Variants in MED1 observed in about 807,000 individuals in gnomAD.
The protein encoded by MED1 is mediator of RNA polymerase II transcription subunit 1.
MED1 carries 17 observed loss-of-function variants against 121.3 expected under a neutral mutation model. The observed-to-expected ratio is 0.14, with a 90% CI of 0.10 to 0.21. The LOEUF is 0.21. MED1 is among the 10% of genes least tolerant of loss of function. The pLI is 1.00. For synonymous variants in MED1, 661 were observed against 694.4 expected, an observed-to-expected ratio of 0.95 and a Z score of 0.76; for missense variants, 1,558 against 1,919.4, an observed-to-expected ratio of 0.81 and a Z score of 3.52.
Position 39,410,131 on chromosome 17 carries a change from G to A in MED1, c.2090C>T (p.Pro697Leu), listed in dbSNP as rs1170487626. ...TTCAGTCTGGTGCTTTGGTTTCTCA[G>A]GTGGTAATCTTGATGACTTCTTTTT... Reference protein sequence around the residue: ...TKKKKSSRLPPEKPKHQTEDD... With the variant: ...TKKKKSSRLPLEKPKHQTEDD... Residue 697 changes from proline to leucine, a missense_variant, in exon 17 of 17, where the codon CCT (proline) becomes CTT (leucine). Pro to Leu is a moderately conservative substitution (Grantham distance 98). Coordinates refer to ENST00000300651, the MANE Select transcript of MED1 (RefSeq NM_004774.4). The A allele has an allele frequency of 4.3e-6, 7 of 1,614,038 alleles. No individual in the cohort carries two copies. The highest frequency in any genetic ancestry group is 5.9e-6 in the Non-Finnish European group (7 of 1,180,042).
At chr17:39,449,944 AG>A (rs1255738015) in intron 1 of MED1, among the ~76,000 whole-genome samples, 1 of 25,934 alleles carries the variant, frequency 3.9e-5, no homozygotes, top group Non-Finnish European at 2.2e-4. Flanking sequence ...CCTCCCAGGT[AG>A]CTGGGATTAC....
chr17:39,412,465 C>T (rs1597853206), intron 16 of MED1, among the ~76,000 whole-genome samples: 1 of 150,276 alleles, frequency 6.7e-6, no homozygotes, highest in South Asian at 2.1e-4. Context: ...TGACCTCAGG[C>T]GATCCACCCA....
chr17:39,407,626 C>T lies in MED1; in HGVS notation c.4595G>A (p.Ser1532Asn). ...TGAAGAGATGGGTGATTTGGACCAA[C>T]TCTCTGGCTTGATGCTATGAGATTT... ...KKKSHSIKPESWSKSPISSDQ... is the reference protein window; with the variant it reads ...KKKSHSIKPENWSKSPISSDQ... Residue 1532 changes from serine (S) to asparagine (N), a missense_variant, in exon 17 of 17, where the codon AGT becomes AAT. Ser to Asn is a conservative substitution (Grantham distance 46, BLOSUM62 1). Around this residue, in one of 5 missense-constraint regions of MED1, gnomAD observed 264 missense variants for 326.1 expected, o/e 0.81. Transcript: ENST00000300651. 1 of 1,614,172 alleles carries T rather than the reference C, an allele frequency of 6.2e-7. No individual in the cohort carries two copies. The highest frequency in any genetic ancestry group is 8.5e-7 in the Non-Finnish European group (1 of 1,180,032).
chr17:39,450,887 G>T, intron 1 of MED1, 151 bp downstream of exon 1: 1 of 600,974 alleles, frequency 1.7e-6, no homozygotes, highest in Non-Finnish European at 2.9e-6. Flanking sequence ...CACCAAGGAG[G>T]GTATAGTGAC....
chr17:39,413,898 C>A (rs2144722144), intron 16 of MED1, among the ~76,000 whole-genome samples: 1 of 133,888 alleles, frequency 7.5e-6, no homozygotes, highest in Non-Finnish European at 1.6e-5. Flanking sequence ...CCATTACTCT[C>A]ATAGTAATAT....
intron 16 of MED1, among the ~76,000 whole-genome samples, 181 bp from the exon 17 acceptor site, chr17:39,410,902 C>T (rs935949999): frequency 3.3e-5 from 5 of 152,100 alleles, no homozygotes; most frequent in Admixed American, 2.0e-4. Flanking sequence ...AAAATCTAAC[C>T]CAACATAAAA....
chr17:39,429,052 G>A (rs1057175149), intron 9 of MED1, among the ~76,000 whole-genome samples: 1 of 152,042 alleles, frequency 6.6e-6, no homozygotes, highest in East Asian at 1.9e-4. Context: ...AGGTGAACTG[G>A]CTCACGCTTA....
At position 39,423,336 on chromosome 17, in the gene MED1, T is replaced by G; in HGVS notation, c.1086A>C (p.Arg362Ser). The G allele has an allele frequency of 6.2e-7, 1 of 1,602,622 alleles. No homozygotes were observed. Among genetic ancestry groups the G allele is most frequent in the Non-Finnish European group, 8.5e-7 (1 of 1,169,600 alleles). The change falls in exon 13 of 17, where the codon AGA (arginine) becomes AGC (serine). Residue 362 changes from arginine (R) to serine (S), a missense_variant. By Grantham distance (110) the Arg-to-Ser change is moderately radical. This residue lies in a region of MED1 where 443 missense variants were observed against 532.4 expected (regional missense o/e 0.83). Coordinates refer to ENST00000300651, the MANE Select transcript of MED1 (RefSeq NM_004774.4). ...CTAGGGCTTTACTTACAGCATAAAA[T>G]CTCATGTTGTGATTCAAAGGTATGG... is the stretch of plus-strand genomic sequence containing the variant. ...PDPIPLNHNM[R>S]FYAALPGQQH...
intron 9 of MED1, among the ~76,000 whole-genome samples, chr17:39,430,449 T>A (rs771466931): frequency 1.2e-4 from 18 of 151,698 alleles, no homozygotes; most frequent in Non-Finnish European, 2.5e-4. Context: ...CCCAGCACTT[T>A]GGGAGGCTGA....
At chr17:39,436,789 G>A (rs74499355) in intron 6 of MED1, among the ~76,000 whole-genome samples, 1 of 144,236 alleles carries the variant, frequency 6.9e-6, no homozygotes, top group Admixed American at 6.9e-5. Flanking sequence ...TTTTTTTTTT[G>A]AGACAGTCTC....
Position 39,423,746 on chromosome 17 carries a change from C to G in MED1, c.927G>C (p.Gln309His). The change falls in exon 12 of 17, where the codon CAG becomes CAC. Residue 309 changes from glutamine to histidine, a missense_variant. Gln to His is a conservative substitution (Grantham distance 24). Transcript: ENST00000300651. ...CAAATGCTCTAGATACTGGGATTGGCTGGGGAAATTTCAAGAAGAAACAGG... is the reference window on the plus strand; with the variant it reads ...CAAATGCTCTAGATACTGGGATTGGGTGGGGAAATTTCAAGAAGAAACAGG... ...LPACFFLKFP[Q>H]PIPVSRAFVQ... The G allele has an allele frequency of 6.2e-7, 1 of 1,613,858 alleles. No individual in the cohort carries two copies. Among genetic ancestry groups the G allele is most frequent in the Non-Finnish European group, 8.5e-7 (1 of 1,179,980 alleles).
At chr17:39,438,009 T>C (rs944257171) in intron 6 of MED1, among the ~76,000 whole-genome samples, 1 of 151,782 alleles carries the variant, frequency 6.6e-6, no homozygotes, top group Non-Finnish European at 1.5e-5. Flanking sequence ...CGCACCATTA[T>C]ACTCCAGACT....
At chr17:39,430,349 CACTCCAGCCTGGTG>C (rs1202241519) in intron 9 of MED1, among the ~76,000 whole-genome samples, 1 of 151,872 alleles carries the variant, frequency 6.6e-6, no homozygotes, top group Non-Finnish European at 1.5e-5. Flanking sequence ...TGTGCCACTG[CACTCCAGCCTGGTG>C]AGAGCCTGTC....
intron 14 of MED1, among the ~76,000 whole-genome samples, chr17:39,418,724 A>C (rs567629834): frequency 3.9e-5 from 6 of 152,088 alleles, no homozygotes; most frequent in African/African-American, 1.2e-4. Flanking sequence ...TGGAGTTTAG[A>C]TTCCCAACTC....
chr17:39,447,991 A>G, intron 1 of MED1, 87 bp from the exon 2 acceptor site: 1 of 828,922 alleles, frequency 1.2e-6, no homozygotes, highest in Non-Finnish European at 2.0e-6. Context: ...CCCACACTTC[A>G]TCACAGTAAG....
intron 8 of MED1, 57 bp downstream of exon 8, chr17:39,431,885 A>G: frequency 8.0e-7 from 1 of 1,257,718 alleles, no homozygotes; most frequent in Non-Finnish European, 1.2e-6. Context: ...TAGGACCCTA[A>G]TCTCCCCAGA....
At chr17:39,423,908 T>G in intron 11 of MED1, 87 bp from the exon 12 acceptor site, 1 of 1,422,446 alleles carries the variant, frequency 7.0e-7, no homozygotes, top group Non-Finnish European at 9.4e-7. Context: ...TTGAGACAGA[T>G]TTTCCCTCTT....
intron 14 of MED1, 54 bp downstream of exon 14, chr17:39,419,663 A>T: frequency 1.3e-6 from 2 of 1,525,550 alleles, no homozygotes; most frequent in Non-Finnish European, 9.1e-7. Flanking sequence ...TTAAAGAACC[A>T]CTGGAGAAGT....
Position 39,404,998 on chromosome 17 carries a change from G to T in MED1, c.*2477C>A. On this transcript the variant is annotated 3_prime_UTR_variant, in exon 17 of 17. Transcript: ENST00000300651. ...AGTCAAAAGACAGAAGAGGAATCAG[G>T]TCAAACTGAGAATACATAAGACACC... 1 of 462,546 alleles carries T rather than the reference G, an allele frequency of 2.2e-6. No individual in the cohort carries two copies. Among genetic ancestry groups the T allele is most frequent in the Non-Finnish European group, 3.8e-6 (1 of 265,364 alleles). The allele number at this position is 462,546 out of a possible 1,614,324, so 28.7% of individuals were successfully genotyped here. A position where few individuals can be genotyped will look rare whatever the true frequency, so the allele number is the denominator to read the frequency against.
Sources: allele counts gnomAD v4.1 joint callset (sites outside exome capture counted in the v4.1 genomes callset), GRCh38; gene constraint gnomAD v4.1.1; regional missense constraint gnomAD v4.1.1; transcripts MANE v1.5; gene names NCBI Gene and HGNC (gene_info 2026-07-23, HGNC 2026-07-21).